The following RPS6KA6 variants were observed in gnomAD, a reference collection of about 807,000 sequenced individuals.
The protein encoded by RPS6KA6 is ribosomal protein S6 kinase alpha-6.
In RPS6KA6, 27 loss-of-function variants were observed where a neutral mutation model predicts 65.4. The ratio of observed to expected loss-of-function variants is 0.41; its 90% CI spans 0.30 to 0.57. RPS6KA6 has a LOEUF of 0.57. Among genes scored for constraint, RPS6KA6 ranks in the 20% least tolerant of loss-of-function variants. The pLI is 0.24. For missense variants in RPS6KA6, 486 were observed against 555.6 expected, an observed-to-expected ratio of 0.87 and a Z score of 1.26; for synonymous variants, 190 against 184.2, an observed-to-expected ratio of 1.03 and a Z score of -0.26.
chrX:84,127,095 C>CA (rs757059612), intron 8 of RPS6KA6, among the ~76,000 whole-genome samples: 1 of 110,536 alleles, frequency 9.0e-6, no homozygotes, highest in South Asian at 3.8e-4. Context: ...GCCAGACTAT[C>CA]AAAGAAAAAC....
At chrX:84,155,833 A>AT (rs1055718961) in intron 3 of RPS6KA6, among the ~76,000 whole-genome samples, 21 of 112,301 alleles carry the variant, frequency 1.9e-4, no homozygotes, top group African/African-American at 6.5e-4. Context: ...AGTATGCTAT[A>AT]TTTTTCCCTC....
At chrX:84,147,854 G>A (rs756383554) in intron 4 of RPS6KA6, among the ~76,000 whole-genome samples, 188 bp downstream of exon 4, 1 of 111,341 alleles carries the variant, frequency 9.0e-6, no homozygotes. Flanking sequence ...TTACGGGGGT[G>A]CACTCTCACT....
Position 84,102,024 on chromosome X carries a change from T to G in RPS6KA6, c.1776+13A>C. 8.7e-7 allele frequency: 1 copy of G among 1,154,677 alleles called. No individual in the cohort carries two copies. Among genetic ancestry groups the G allele is most frequent in the Non-Finnish European group, 1.2e-6 (1 of 864,600 alleles). The stretch of plus-strand genomic sequence containing the variant: ...AAGAATGAAAGGCAAATGGTGAAGT[T>G]TTTAAGGAATACCTCAGGTGCAACA... On this transcript the variant is annotated intron_variant, in intron 18 of 21. Coordinates refer to ENST00000262752, the MANE Select transcript of RPS6KA6 (RefSeq NM_014496.5).
Position 84,059,934 on chromosome X carries a change from C to T in RPS6KA6, c.*4343G>A, listed in dbSNP as rs1198451677. On this transcript the variant is annotated 3_prime_UTR_variant, in exon 22 of 22. Coordinates refer to ENST00000262752, the MANE Select transcript of RPS6KA6 (RefSeq NM_014496.5). ...TCCATATTCTAAAACTTTTGTTTTT[C>T]TAAATATTTCAAAGAAACTTATGTC... 1 of 111,954 alleles carries T rather than the reference C, an allele frequency of 8.9e-6. No homozygotes were observed. The highest frequency in any genetic ancestry group is 1.9e-5 in the Non-Finnish European group (1 of 53,113). The allele number at this position is 111,954 out of a possible 1,213,427, so 9.2% of individuals were successfully genotyped here.
intron 20 of RPS6KA6, among the ~76,000 whole-genome samples, chrX:84,072,450 C>A (rs1602373063): frequency 9.0e-6 from 1 of 111,606 alleles, no homozygotes; most frequent in Non-Finnish European, 1.9e-5. Flanking sequence ...TAATATCATA[C>A]TGAATAGGGG....
chrX:84,059,569 A>G lies in RPS6KA6; in HGVS notation c.*4708T>C, dbSNP rs1480459799. ...AGAAAGAAAATGTGACCTGAGCAAT[A>G]TTAGTTCATAGGAAAGATAAAAGTA... On this transcript the variant is annotated 3_prime_UTR_variant, in exon 22 of 22. Transcript: ENST00000262752. 8.9e-6 allele frequency: 1 copy of G among 112,572 alleles called. No individual in the cohort carries two copies. Among genetic ancestry groups the G allele is most frequent in the Admixed American group, 9.4e-5 (1 of 10,620 alleles). The allele number at this position is 112,572 out of a possible 1,213,427, so 9.3% of individuals were successfully genotyped here. A position where few individuals can be genotyped will look rare whatever the true frequency, so the allele number is the denominator to read the frequency against.
chrX:84,089,311 C>T (rs2033995447), intron 20 of RPS6KA6, among the ~76,000 whole-genome samples: 1 of 112,120 alleles, frequency 8.9e-6, no homozygotes, highest in African/African-American at 3.2e-5. Flanking sequence ...TGGTCCATCT[C>T]AGACCATTTC....
chrX:84,089,397 C>A (rs767748048), intron 20 of RPS6KA6, among the ~76,000 whole-genome samples: 1 of 111,824 alleles, frequency 8.9e-6, no homozygotes, highest in South Asian at 3.8e-4. Flanking sequence ...AAGTGGGGCC[C>A]ACAGAATGAT....
intron 3 of RPS6KA6, among the ~76,000 whole-genome samples, chrX:84,150,867 T>G (rs1230793091): frequency 4.0e-5 from 4 of 99,790 alleles, no homozygotes; most frequent in African/African-American, 1.4e-4. Context: ...ATAGAGGATA[T>G]ATATAGGATA....
intron 12 of RPS6KA6, among the ~76,000 whole-genome samples, chrX:84,113,907 A>G (rs1314145392): frequency 4.5e-5 from 5 of 112,127 alleles, no homozygotes; most frequent in Non-Finnish European, 9.4e-5. Flanking sequence ...AGACTCCTAG[A>G]CTTGATAAAC....
At chrX:84,165,936 A>G (rs182345899) in intron 1 of RPS6KA6, among the ~76,000 whole-genome samples, 2 of 112,257 alleles carry the variant, frequency 1.8e-5, no homozygotes, top group East Asian at 5.6e-4. Flanking sequence ...AATGTGGAAG[A>G]AATCAGAGAG....
In RPS6KA6 at chrX:84,144,265, T is replaced by C. The variant is rs551490629; in HGVS notation, c.501+1213A>G. ...ACAAACTATAGACCAGAAGAAAATA[T>C]TTCCAAATAACATATATGATCAAGG... is the stretch of plus-strand genomic sequence containing the variant. On this transcript the variant is annotated intron_variant, in intron 6 of 21. Coordinates refer to ENST00000262752, the MANE Select transcript of RPS6KA6 (RefSeq NM_014496.5). Among the ~76,000 whole-genome samples, 67 of 110,882 alleles carry C rather than the reference T, an allele frequency of 6.0e-4. 1 individual carries two copies. The South Asian group carries it at 0.025, about 41-fold the overall frequency.
At chrX:84,107,962 G>T (rs1048455162) in intron 12 of RPS6KA6, among the ~76,000 whole-genome samples, 1 of 111,979 alleles carries the variant, frequency 8.9e-6, no homozygotes, top group Non-Finnish European at 1.9e-5. Context: ...CTCAATTTTG[G>T]ATATCAGAAG....
At chrX:84,182,036 G>GTC (rs66511596) in intron 1 of RPS6KA6, among the ~76,000 whole-genome samples, 12 of 89,654 alleles carry the variant, frequency 1.3e-4, no homozygotes, top group African/African-American at 2.1e-4. Flanking sequence ...CTCTTTCTCT[G>GTC]TCTCTCTCTC....
intron 2 of RPS6KA6, among the ~76,000 whole-genome samples, chrX:84,158,416 C>T (rs767804416): frequency 1.4e-4 from 15 of 109,395 alleles, no homozygotes; most frequent in Admixed American, 8.8e-4. Context: ...GTCTACAAAA[C>T]AAAAAATATA....
chrX:84,103,600 T>A (rs1204317005), intron 17 of RPS6KA6, among the ~76,000 whole-genome samples: 4 of 111,198 alleles, frequency 3.6e-5, no homozygotes, highest in Non-Finnish European at 5.7e-5. Context: ...TTAATTGAAG[T>A]AAGAACCTGA....
chrX:84,090,547 T>A (rs981563184), intron 20 of RPS6KA6, among the ~76,000 whole-genome samples: 2 of 112,142 alleles, frequency 1.8e-5, no homozygotes, highest in African/African-American at 6.5e-5. Flanking sequence ...CAGTTTTGCA[T>A]GGCTGGGACA....
In RPS6KA6 at chrX:84,164,366, C is replaced by G. The variant is rs2035565267; in HGVS notation, c.103G>C (p.Asp35His). 1.7e-6 allele frequency: 2 copies of G among 1,198,817 alleles called. No individual in the cohort carries two copies. The highest frequency in any genetic ancestry group is 2.3e-6 in the Non-Finnish European group (2 of 885,515). ...SGEVNGLKMVDEPMEEGEADS... is the reference protein window; with the variant it reads ...SGEVNGLKMVHEPMEEGEADS... ...GCTTCTCCCTCTTCCATTGGCTCAT[C>G]AACCATTTTAAGACCATTTACCTGA... Residue 35 changes from aspartate to histidine, a missense_variant, in exon 2 of 22, where the codon GAT becomes CAT. Asp to His is a moderately conservative substitution (Grantham distance 81). This residue lies in a region of RPS6KA6 where 106 missense variants were observed against 105.0 expected (regional missense o/e 1.01). Coordinates refer to ENST00000262752, the MANE Select transcript of RPS6KA6 (RefSeq NM_014496.5).
chrX:84,060,876 A>C lies in RPS6KA6; in HGVS notation c.*3401T>G, dbSNP rs1235984003. The C allele has an allele frequency of 8.9e-6, 1 of 112,151 alleles. No individual in the cohort carries two copies. The highest frequency in any genetic ancestry group is 3.2e-5 in the African/African-American group (1 of 30,884). 9.2% of individuals were successfully genotyped at this position (112,151 alleles called of 1,213,427 possible). A position where few individuals can be genotyped will look rare whatever the true frequency, so the allele number is the denominator to read the frequency against. ...CTTCCTTAAAAAATGCCAATTAACTATTAGCCACTGACAGAAAAATGTAAA... is the reference window on the plus strand; with the variant it reads ...CTTCCTTAAAAAATGCCAATTAACTCTTAGCCACTGACAGAAAAATGTAAA... On this transcript the variant is annotated 3_prime_UTR_variant, in exon 22 of 22. Coordinates refer to ENST00000262752, the MANE Select transcript of RPS6KA6 (RefSeq NM_014496.5).
Sources: gnomAD v4.1 joint callset for allele counts (sites outside exome capture counted in the v4.1 genomes callset) on GRCh38, gnomAD v4.1.1 for gene constraint, gnomAD v4.1.1 regional missense constraint, MANE v1.5 for transcripts, NCBI Gene and HGNC (gene_info 2026-07-23, HGNC 2026-07-21) for gene names.